The following TRAPPC9 variants were observed in gnomAD, a reference collection of about 807,000 sequenced individuals.
The protein encoded by TRAPPC9 is IKK2 binding protein.
Under a neutral mutation model 124.0 loss-of-function variants are expected in TRAPPC9, and 83 were observed. That is an observed-to-expected ratio of 0.67 (90% CI 0.56 to 0.80). The LOEUF (loss-of-function observed/expected upper bound fraction) is 0.80, where lower values mean the gene tolerates loss of function less well. Ranked by LOEUF, TRAPPC9 falls within the 30% of genes least tolerant of loss-of-function variation. TRAPPC9 has a pLI of 0.00. For missense variants in TRAPPC9, 1,302 were observed against 1,508.3 expected (o/e 0.86, Z 2.27); for synonymous variants, 638 against 617.5 (o/e 1.03, Z -0.49).
At chr8:140,203,955 C>CA (rs769309952) in intron 17 of TRAPPC9, among the ~76,000 whole-genome samples, 4 of 152,208 alleles carry the variant, frequency 2.6e-5, no homozygotes, top group Non-Finnish European at 4.4e-5. Context: ...AAGGAGATTA[C>CA]AGTGGCCAGT....
chr8:140,269,920 G>A (rs1426274002), intron 15 of TRAPPC9, among the ~76,000 whole-genome samples: 1 of 152,086 alleles, frequency 6.6e-6, no homozygotes, highest in Non-Finnish European at 1.5e-5. Context: ...CCAACTTGGT[G>A]AAAGTACATC....
intron 17 of TRAPPC9, among the ~76,000 whole-genome samples, chr8:140,146,552 T>C (rs538934016): frequency 2.0e-5 from 3 of 152,178 alleles, no homozygotes; most frequent in Non-Finnish European, 4.4e-5. Flanking sequence ...ACTTTATGTA[T>C]CTCCATTTTT....
At position 140,435,151 on chromosome 8, in the gene TRAPPC9, T is replaced by G. The variant is rs1181134873; in HGVS notation, c.820A>C (p.Ser274Arg). 1.9e-6 allele frequency: 3 copies of G among 1,614,102 alleles called. No homozygotes were observed. Among genetic ancestry groups the G allele is most frequent in the African/African-American group, 1.3e-5 (1 of 74,940 alleles). The change falls in exon 4 of 23, where the codon AGC becomes CGC. Residue 274 changes from serine to arginine, a missense_variant. Physicochemically the swap from Ser to Arg is moderately radical, Grantham distance 110. Around this residue, in one of 3 missense-constraint regions of TRAPPC9, gnomAD observed 657 missense variants for 811.2 expected, o/e 0.81. Transcript: ENST00000438773. ...TTGGCTGCTTCAGCAGGAAGGGTGC[T>G]GCCCTGGAACCTCCGAGCTCCACTC... is the stretch of plus-strand genomic sequence containing the variant. The part of the protein sequence containing the change: ...GKSGARRFQG[S>R]TLPAEAANRH...
chr8:139,808,254 T>A (rs1824202814), intron 21 of TRAPPC9, among the ~76,000 whole-genome samples: 1 of 152,060 alleles, frequency 6.6e-6, no homozygotes, highest in African/African-American at 2.4e-5. Flanking sequence ...AGGTCAGGAG[T>A]TCGAGACCAG....
intron 9 of TRAPPC9, among the ~76,000 whole-genome samples, chr8:140,351,826 G>A (rs1051008476): frequency 3.3e-5 from 5 of 152,182 alleles, no homozygotes; most frequent in African/African-American, 1.2e-4. Context: ...TCTAGCCAAT[G>A]AGACAGAGAG....
chr8:139,973,519 G>A (rs1024365550), intron 19 of TRAPPC9, among the ~76,000 whole-genome samples: 11 of 152,214 alleles, frequency 7.2e-5, no homozygotes, highest in Admixed American at 5.9e-4. Context: ...CGTGGACAGG[G>A]GGCAAACTGA....
intron 1 of TRAPPC9, among the ~76,000 whole-genome samples, chr8:140,457,272 A>G (rs1449548405): frequency 1.3e-5 from 2 of 152,126 alleles, no homozygotes; most frequent in Non-Finnish European, 2.9e-5. Flanking sequence ...AGGGGAAGCC[A>G]GGCGGAGACA....
intron 17 of TRAPPC9, among the ~76,000 whole-genome samples, chr8:140,181,885 T>C (rs963779623): frequency 4.6e-5 from 7 of 152,156 alleles, no homozygotes; most frequent in South Asian, 2.1e-4. Context: ...AGTATCTCTA[T>C]GGAGCAGTTT....
intron 21 of TRAPPC9, among the ~76,000 whole-genome samples, chr8:139,874,289 C>T (rs1829181689): frequency 6.6e-6 from 1 of 152,214 alleles, no homozygotes; most frequent in African/African-American, 2.4e-5. Context: ...CAAATCTGGC[C>T]TTGGACCGAT....
chr8:139,856,622 A>G (rs878888850), intron 21 of TRAPPC9, among the ~76,000 whole-genome samples: 2 of 152,026 alleles, frequency 1.3e-5, no homozygotes, highest in Admixed American at 1.3e-4. Context: ...TGGATTTGTG[A>G]ATGTTCTCAA....
intron 21 of TRAPPC9, among the ~76,000 whole-genome samples, chr8:139,784,312 G>A (rs368547502): frequency 6.6e-6 from 1 of 152,204 alleles, no homozygotes; most frequent in East Asian, 1.9e-4. Context: ...AGTGGCTCAC[G>A]CCTATAATCC....
intron 21 of TRAPPC9, among the ~76,000 whole-genome samples, chr8:139,791,927 G>C (rs543112476): frequency 6.6e-6 from 1 of 152,130 alleles, no homozygotes; most frequent in Non-Finnish European, 1.5e-5. Context: ...GGAGCCCCTC[G>C]ACAAGGATTC....
chr8:140,369,624 G>T (rs2068221034), intron 8 of TRAPPC9, among the ~76,000 whole-genome samples: 1 of 152,082 alleles, frequency 6.6e-6, no homozygotes, highest in African/African-American at 2.4e-5. Flanking sequence ...GTCAGCAGAG[G>T]CCAGTGAAAT....
chr8:140,405,612 C>T lies in TRAPPC9; in HGVS notation c.973G>A (p.Asp325Asn). The T allele has an allele frequency of 6.2e-7, 1 of 1,614,092 alleles. No homozygotes were observed. Among genetic ancestry groups the T allele is most frequent in the Non-Finnish European group, 8.5e-7 (1 of 1,179,980 alleles). The stretch of plus-strand genomic sequence containing the variant: ...TAGGAAATCGCCTCTTTATACTTGT[C>T]AATTATGTCTTCAGGGCTAAGGCAG... Reference protein sequence around the residue: ...KNCLSPEDIIDKYKEAISYYS... With the variant: ...KNCLSPEDIINKYKEAISYYS... The change falls in exon 6 of 23, where the codon GAC (aspartate) becomes AAC (asparagine). Residue 325 changes from aspartate to asparagine, a missense_variant. Asp to Asn is a conservative substitution (Grantham distance 23). Transcript: ENST00000438773.
chr8:139,811,968 G>A (rs1035154129), intron 21 of TRAPPC9, among the ~76,000 whole-genome samples: 2 of 152,328 alleles, frequency 1.3e-5, no homozygotes, highest in African/African-American at 4.8e-5. Flanking sequence ...TGAGAGTCCA[G>A]AGGCTTGCTG....
intron 7 of TRAPPC9, among the ~76,000 whole-genome samples, chr8:140,394,518 C>T (rs2069029862): frequency 2.0e-5 from 3 of 152,226 alleles, no homozygotes; most frequent in Admixed American, 1.3e-4. Flanking sequence ...CAAGGTTATG[C>T]AGCGAACAGG....
At position 139,885,877 on chromosome 8, in the gene TRAPPC9, AC is replaced by A; in HGVS notation, c.3055+1del. On this transcript the variant is annotated splice_donor_variant, in intron 21 of 22. Transcript: ENST00000438773. LOFTEE classifies it high-confidence loss of function. ...ATCGATGGGTGGCTGGCGGGTACTC[AC>A]CCCACTGCAGAGGCGCCAGCTGCAG... 1 of 1,559,690 alleles carries A rather than the reference AC, an allele frequency of 6.4e-7. No individual in the cohort carries two copies. The highest frequency in any genetic ancestry group is 8.7e-7 in the Non-Finnish European group (1 of 1,151,424).
intron 17 of TRAPPC9, among the ~76,000 whole-genome samples, chr8:140,185,417 G>A (rs1447236344): frequency 6.6e-6 from 1 of 152,222 alleles, no homozygotes; most frequent in Admixed American, 6.5e-5. Flanking sequence ...CTTAAGGGCT[G>A]TGGAAGTGCG....
chr8:139,846,837 G>A (rs1335109266), intron 21 of TRAPPC9, among the ~76,000 whole-genome samples: 3 of 152,212 alleles, frequency 2.0e-5, no homozygotes, highest in Non-Finnish European at 2.9e-5. Flanking sequence ...GTGAGCAGGC[G>A]CAGGTAGTAG....
Sources: allele counts gnomAD v4.1 joint callset (sites outside exome capture counted in the v4.1 genomes callset), GRCh38; gene constraint gnomAD v4.1.1; regional missense constraint gnomAD v4.1.1; transcripts MANE v1.5; gene names NCBI Gene and HGNC (gene_info 2026-07-23, HGNC 2026-07-21).